DNAH10: variants seen among roughly 807,000 people sequenced by gnomAD.
DNAH10 encodes axonemal beta dynein heavy chain 10.
DNAH10 carries 348 observed loss-of-function variants against 506.6 expected under a neutral mutation model. The observed-to-expected ratio is 0.69, with a 90% CI of 0.63 to 0.75. The LOEUF (loss-of-function observed/expected upper bound fraction) is 0.75. DNAH10 is among the 30% of genes least tolerant of loss of function. The pLI is 0.00. For synonymous variants in DNAH10, 2,059 were observed against 2,198.6 expected (o/e 0.94, Z 1.78); for missense variants, 5,179 against 5,787.1 (o/e 0.89, Z 3.41).
Position 123,853,264 on chromosome 12 carries a change from A to C in DNAH10, c.6350A>C (p.Gln2117Pro), listed in dbSNP as rs757066915. 6.8e-6 allele frequency: 11 copies of C among 1,611,588 alleles called. No homozygotes were observed. The highest frequency in any genetic ancestry group is 3.3e-4 in the Middle Eastern group (2 of 6,060). The change falls in exon 36 of 79, where the codon CAG becomes CCG. Residue 2117 changes from glutamine (Q) to proline (P), a missense_variant. By Grantham distance (76) the Gln-to-Pro change is moderately conservative (BLOSUM62 -1). This residue lies in a region of DNAH10 where 4,844 missense variants were observed against 5,430.5 expected (regional missense o/e 0.89). Transcript: ENST00000673944. This position sits in a 1 kb window ranked among gnomAD's most constrained non-coding sequence, Gnocchi z 4.7. ...YKLAREQLSK[Q>P]YHYDFGLRAL... ...CTGGCCCGGGAGCAGCTGTCCAAGC[A>C]GTATCACTATGATTTTGGACTCAGA...
intron 35 of DNAH10, among the ~76,000 whole-genome samples, chr12:123,852,378 C>A (rs1171771564): frequency 6.6e-6 from 1 of 152,190 alleles, no homozygotes; most frequent in Admixed American, 6.5e-5. Context: ...AGAGGGTTGT[C>A]ACATTGCGTT....
In DNAH10 at chr12:123,917,669, C is replaced by T; in HGVS notation, c.11088C>T (p.Leu3696=). The T allele has an allele frequency of 1.3e-6, 2 of 1,552,196 alleles. No individual in the cohort carries two copies. The highest frequency in any genetic ancestry group is 1.7e-6 in the Non-Finnish European group (2 of 1,147,346). The change falls in exon 64 of 79, where the codon CTC becomes CTT. Residue 3696 remains leucine (L), a synonymous_variant. Transcript: ENST00000673944. The surrounding 1 kb of genome is among the most constrained non-coding windows in gnomAD (Gnocchi z 5.6). ...AGCTGGAGGAGCAGCGGGAGCACCT[C>T]ATCCAGGAGACCAGCGAGAACAAGA... ...RRELEEQREH[L]IQETSENKNL... is the part of the protein sequence containing the mutation.
Position 123,898,828 on chromosome 12 carries a change from G to A in DNAH10, c.9640+14G>A. On this transcript the variant is annotated intron_variant, in intron 56 of 78. Transcript: ENST00000673944. ...ACACCGCTGTAGGTGAGTGAGGGCG[G>A]GGCCAGGGCAGCCCATCCCCAACAC... 1 of 1,592,948 alleles carries A rather than the reference G, an allele frequency of 6.3e-7. No homozygotes were observed. Among genetic ancestry groups the A allele is most frequent in the Non-Finnish European group, 8.6e-7 (1 of 1,168,602 alleles).
rs1954899320 is a variant in DNAH10 at position 123,925,377 on chromosome 12, G to C, written c.11921+173G>C. 5.9e-6 allele frequency: 5 copies of C among 847,002 alleles called. No homozygotes were observed. Among genetic ancestry groups the C allele is most frequent in the Non-Finnish European group, 8.5e-6 (5 of 587,046 alleles). The allele number at this position is 847,002 out of a possible 1,614,324, so 52.5% of individuals were successfully genotyped here. On this transcript the variant is annotated intron_variant, in intron 68 of 78. Transcript: ENST00000673944. This position sits in a 1 kb window ranked among gnomAD's most constrained non-coding sequence, Gnocchi z 4.0. Reference sequence around the variant, plus strand: ...TAGAATTCTTCAATATTCTAGAACAGTGCTAGTCATAAGAAATTCAGTGTG... The same window carrying C: ...TAGAATTCTTCAATATTCTAGAACACTGCTAGTCATAAGAAATTCAGTGTG...
Position 123,889,715 on chromosome 12 carries a change from G to A in DNAH10, c.8995+2402G>A, listed in dbSNP as rs1952893023. On this transcript the variant is annotated intron_variant, in intron 52 of 78. Transcript: ENST00000673944. The stretch of plus-strand genomic sequence containing the variant: ...TGTGATCACACTCCCTATGGCTGCT[G>A]TAGCAAATTTCCCCAAACAGCACGG... Among the ~76,000 whole-genome samples, 4 of 152,322 alleles carry A rather than the reference G, an allele frequency of 2.6e-5. No individual in the cohort carries two copies. In the South Asian group the frequency reaches 8.3e-4, roughly 32 times the overall value.
At position 123,925,016 on chromosome 12, in the gene DNAH10, T is replaced by A. The variant is rs1467619304; in HGVS notation, c.11767-34T>A. ...AATGGGGACCTATGTCATTTCTGAG[T>A]TGACGCACAATGAATATTCTTTGCT... On this transcript the variant is annotated intron_variant, in intron 67 of 78. Transcript: ENST00000673944. The surrounding 1 kb of genome is among the most constrained non-coding windows in gnomAD (Gnocchi z 4.0). 6.2e-7 allele frequency: 1 copy of A among 1,611,158 alleles called. No individual in the cohort carries two copies.
At chr12:123,900,042 C>CTA (rs1953448957) in intron 56 of DNAH10, among the ~76,000 whole-genome samples, 1 of 152,206 alleles carries the variant, frequency 6.6e-6, no homozygotes, top group Non-Finnish European at 1.5e-5. Flanking sequence ...ACCCTGTCGC[C>CTA]TGCTCACAGC....
intron 60 of DNAH10, 140 bp from the exon 61 acceptor site, chr12:123,914,189 C>T (rs947265068): frequency 5.1e-5 from 40 of 784,926 alleles, no homozygotes; most frequent in African/African-American, 5.1e-4. Context: ...CTCTGTTCCT[C>T]ACAAGGAAAG....
rs1418151072 is a variant in DNAH10 at position 123,916,838 on chromosome 12, C to G, written c.11002+102C>G. The G allele has an allele frequency of 2.9e-6, 4 of 1,388,816 alleles. No homozygotes were observed. The African/African-American group carries it at 4.3e-5, about 15-fold the overall frequency. The allele number at this position is 1,388,816 out of a possible 1,614,324, so 86.0% of individuals were successfully genotyped here. ...GGGACATCATTTCACTCAGTGACCC[C>G]AGATCATTCTCTCATAGGCACATCT... On this transcript the variant is annotated intron_variant, in intron 63 of 78. Transcript: ENST00000673944. The surrounding 1 kb of genome is among the most constrained non-coding windows in gnomAD (Gnocchi z 4.6).
intron 24 of DNAH10, among the ~76,000 whole-genome samples, chr12:123,825,529 A>G (rs1210363922): frequency 6.6e-6 from 1 of 152,240 alleles, no homozygotes; most frequent in Non-Finnish European, 1.5e-5. Flanking sequence ...TGCTGAGCGA[A>G]AGAAGCCAGA....
intron 5 of DNAH10, among the ~76,000 whole-genome samples, chr12:123,776,650 A>AG (rs59141306): frequency 6.6e-6 from 1 of 151,708 alleles, no homozygotes; most frequent in African/African-American, 2.4e-5. Context: ...AAAAAAAAAA[A>AG]GAAAAATAAA....
intron 36 of DNAH10, among the ~76,000 whole-genome samples, chr12:123,856,036 A>G (rs1951373918): frequency 6.7e-6 from 1 of 148,390 alleles, no homozygotes; most frequent in Admixed American, 6.7e-5. Context: ...ATCATTATTA[A>G]ATATGAAATA....
chr12:123,835,166 G>C (rs1057159829), intron 27 of DNAH10, among the ~76,000 whole-genome samples: 2 of 152,186 alleles, frequency 1.3e-5, no homozygotes, highest in Non-Finnish European at 2.9e-5. Context: ...CCTGTGCTGG[G>C]CTGCATGGAG....
intron 45 of DNAH10, among the ~76,000 whole-genome samples, chr12:123,872,539 G>A (rs1952076523): frequency 6.6e-6 from 1 of 152,190 alleles, no homozygotes; most frequent in African/African-American, 2.4e-5. Context: ...CAGCTCATGT[G>A]CACCTGCACT....
rs568001134 is a variant in DNAH10 at position 123,930,234 on chromosome 12, A to G, written c.12613-168A>G. 2.0e-5 allele frequency: 12 copies of G among 613,924 alleles called. No homozygotes were observed. In the Admixed American group the frequency reaches 2.6e-4, roughly 13 times the overall value. 38.0% of individuals were successfully genotyped at this position (613,924 alleles called of 1,614,324 possible). On this transcript the variant is annotated intron_variant, in intron 72 of 78. Transcript: ENST00000673944. ...GGGAAGCCAGCAAAGCCACAGATCA[A>G]TTGTGTGAACAGTGGCCCGAAAGGT...
intron 19 of DNAH10, among the ~76,000 whole-genome samples, chr12:123,812,927 T>C (rs925760490): frequency 3.3e-5 from 5 of 152,192 alleles, no homozygotes; most frequent in African/African-American, 1.2e-4. Flanking sequence ...CATAATACCA[T>C]GTCCGCCCCT....
rs1957800834 is a variant in DNAH10, at chr12:123,785,152, A to G, written c.1231-594A>G. On this transcript the variant is annotated intron_variant, in intron 8 of 78. Coordinates refer to ENST00000673944, the MANE Select transcript of DNAH10 (RefSeq NM_001372106.1). This position sits in a 1 kb window ranked among gnomAD's most constrained non-coding sequence, Gnocchi z 4.1. ...ATGGTAACTGTTTAACCTCTTGAGG[A>G]ATTTCTAGACTGTTTTCCAAAGTGG... Among the ~76,000 whole-genome samples the G allele has an allele frequency of 6.6e-6, 1 of 152,172 alleles. No homozygotes were observed. Among genetic ancestry groups the G allele is most frequent in the Admixed American group, 6.5e-5 (1 of 15,274 alleles).
intron 8 of DNAH10, 55 bp downstream of exon 8, chr12:123,784,232 AT>A: frequency 1.3e-6 from 2 of 1,537,930 alleles, no homozygotes; most frequent in Non-Finnish European, 1.8e-6. Context: ...ATTTCATATG[AT>A]TTAATTTCCC....
chr12:123,783,368 C>T (rs1957734871), intron 7 of DNAH10, 104 bp downstream of exon 7: 1 of 1,379,956 alleles, frequency 7.2e-7, no homozygotes, highest in East Asian at 2.3e-5. Context: ...TCTTTTCTTA[C>T]TGTTTTATGA....
Sources: allele counts gnomAD v4.1 joint callset (sites outside exome capture counted in the v4.1 genomes callset), GRCh38; gene constraint gnomAD v4.1.1; regional missense constraint gnomAD v4.1.1; non-coding constraint Gnocchi (gnomAD v3.1); transcripts MANE v1.5; gene names NCBI Gene and HGNC (gene_info 2026-07-23, HGNC 2026-07-21).